The following PANX3 variants were observed in gnomAD, a reference collection of about 807,000 sequenced individuals.
The protein encoded by PANX3 is pannexin 3, also known as pannexin-3.
PANX3 carries 18 observed loss-of-function variants against 31.5 expected under a neutral mutation model. That is an observed-to-expected ratio of 0.57 (90% CI 0.39 to 0.85). PANX3 has a LOEUF of 0.85. Among genes scored for constraint, PANX3 ranks in the 40% least tolerant of loss-of-function variants. The probability of loss-of-function intolerance (pLI) is 0.00; values close to 1 mark genes in which losing one functional copy is unlikely to be tolerated. For synonymous variants in PANX3, 194 were observed against 201.6 expected, an observed-to-expected ratio of 0.96 and a Z score of 0.32; for missense variants, 426 against 485.4, an observed-to-expected ratio of 0.88 and a Z score of 1.15.
rs776313316 is a variant in PANX3 at position 124,619,701 on chromosome 11, C to A, written c.945C>A (p.Ser315Arg). 6.2e-7 allele frequency: 1 copy of A among 1,614,038 alleles called. No homozygotes were observed. The highest frequency in any genetic ancestry group is 1.3e-5 in the African/African-American group (1 of 74,924). The change falls in exon 4 of 4, where the codon AGC (serine) becomes AGA (arginine). Residue 315 changes from serine to arginine, a missense_variant. Transcript: ENST00000284288. ...YEMLPAFDLL[S>R]RKMLGCPIND... ...TGCTCCCAGCTTTTGATCTCCTCAGCAGAAAGATGCTAGGATGTCCCATCA... is the reference window on the plus strand; with the variant it reads ...TGCTCCCAGCTTTTGATCTCCTCAGAAGAAAGATGCTAGGATGTCCCATCA...
rs778443223 is a variant in PANX3, at chr11:124,619,667, T to C, written c.911T>C (p.Val304Ala). Residue 304 changes from valine to alanine, a missense_variant, in exon 4 of 4, where the codon GTC becomes GCC. Coordinates refer to ENST00000284288, the MANE Select transcript of PANX3 (RefSeq NM_052959.3). ...LCRWDKRLLS[V>A]YEMLPAFDLL... ...CGGTGGGACAAACGACTTTTATCTG[T>C]CTATGAGATGCTCCCAGCTTTTGAT... 21 of 1,614,178 alleles carry C rather than the reference T, an allele frequency of 1.3e-5. 1 individual carries two copies. The South Asian group carries it at 2.0e-4, about 15-fold the overall frequency.
At chr11:124,612,861 T>C (rs1270029505) in intron 1 of PANX3, 119 bp from the exon 2 acceptor site, 17 of 1,237,724 alleles carry the variant, frequency 1.4e-5, no homozygotes, top group Middle Eastern at 5.6e-4. Context: ...AAGACTAAGG[T>C]GTGGGAAGAA....
At chr11:124,613,574 G>C (rs936038154) in intron 2 of PANX3, among the ~76,000 whole-genome samples, 2 of 152,066 alleles carry the variant, frequency 1.3e-5, no homozygotes, top group Admixed American at 6.5e-5. Context: ...GTCCCAGCAC[G>C]GCTCCCCTGC....
chr11:124,619,947 T>C lies in PANX3; in HGVS notation c.*12T>C, dbSNP rs776716226. ...ATGAACACCCATAGTTAAGAAACCA[T>C]GGAGCAAGAAAGCTTGTGGAAAGTC... On this transcript the variant is annotated 3_prime_UTR_variant, in exon 4 of 4. Transcript: ENST00000284288. 5.7e-6 allele frequency: 9 copies of C among 1,579,588 alleles called. No individual in the cohort carries two copies. The African/African-American group carries it at 1.1e-4, about 19-fold the overall frequency.
In PANX3 at chr11:124,619,625, AC is replaced by A. The variant is rs1863193854; in HGVS notation, c.871del (p.Leu291SerfsTer29). 6.2e-7 allele frequency: 1 copy of A among 1,613,548 alleles called. No homozygotes were observed. The highest frequency in any genetic ancestry group is 1.3e-5 in the African/African-American group (1 of 74,856). On this transcript the variant is annotated frameshift_variant, in exon 4 of 4. Transcript: ENST00000284288. LOFTEE classifies it high-confidence loss of function. ...YTILVPVIIY[N>X]LTRLCRWDKR... Reference sequence around the variant, plus strand: ...ATATTGGTTCCAGTGATAATATACAACCTCACACGGCTATGTCGGTGGGACA... The same window carrying A: ...ATATTGGTTCCAGTGATAATATACAACTCACACGGCTATGTCGGTGGGACA...
rs1863154477 is a variant in PANX3, at chr11:124,616,538, G to A, written c.325-736G>A. Among the ~76,000 whole-genome samples, 1 of 152,192 alleles carries A rather than the reference G, an allele frequency of 6.6e-6. No individual in the cohort carries two copies. Among genetic ancestry groups the A allele is most frequent in the Admixed American group, 6.5e-5 (1 of 15,286 alleles). On this transcript the variant is annotated intron_variant, in intron 2 of 3. Coordinates refer to ENST00000284288, the MANE Select transcript of PANX3 (RefSeq NM_052959.3). The surrounding 1 kb of genome is among the most constrained non-coding windows in gnomAD (Gnocchi z 4.8). Reference sequence around the variant, plus strand: ...GGACTTCAAGGTATGAATGGAGGGAGGTGGACATGGACACAATTCAACCCA... The same window carrying A: ...GGACTTCAAGGTATGAATGGAGGGAAGTGGACATGGACACAATTCAACCCA...
chr11:124,612,856 T>G, intron 1 of PANX3, 124 bp from the exon 2 acceptor site: 1 of 1,203,736 alleles, frequency 8.3e-7, no homozygotes, highest in Non-Finnish European at 1.2e-6. Context: ...CCCAGAAGAC[T>G]AAGGTGTGGG....
chr11:124,617,393 C>A lies in PANX3; in HGVS notation c.444C>A (p.Asp148Glu). ...SDLLFIISEL[D>E]KSYNRSIRLV... Reference sequence around the variant, plus strand: ...TGCTGTTCATCATCAGCGAACTGGACAAATCTTATAATCGCTCCATCCGCC... The same window carrying A: ...TGCTGTTCATCATCAGCGAACTGGAAAAATCTTATAATCGCTCCATCCGCC... The change falls in exon 3 of 4, where the codon GAC becomes GAA. Residue 148 changes from aspartate (D) to glutamate (E), a missense_variant. Physicochemically the swap from Asp to Glu is conservative, Grantham distance 45. Coordinates refer to ENST00000284288, the MANE Select transcript of PANX3 (RefSeq NM_052959.3). 6.2e-7 allele frequency: 1 copy of A among 1,614,140 alleles called. No individual in the cohort carries two copies. Among genetic ancestry groups the A allele is most frequent in the Non-Finnish European group, 8.5e-7 (1 of 1,180,052 alleles).
rs768373722 is a variant in PANX3 at position 124,619,699 on chromosome 11, A to G, written c.943A>G (p.Ser315Gly). Reference sequence around the variant, plus strand: ...GATGCTCCCAGCTTTTGATCTCCTCAGCAGAAAGATGCTAGGATGTCCCAT... The same window carrying G: ...GATGCTCCCAGCTTTTGATCTCCTCGGCAGAAAGATGCTAGGATGTCCCAT... ...YEMLPAFDLL[S>G]RKMLGCPIND... is the part of the protein sequence containing the mutation. The change falls in exon 4 of 4, where the codon AGC becomes GGC. Residue 315 changes from serine to glycine, a missense_variant. Coordinates refer to ENST00000284288, the MANE Select transcript of PANX3 (RefSeq NM_052959.3). 27 of 1,614,070 alleles carry G rather than the reference A, an allele frequency of 1.7e-5. No individual in the cohort carries two copies. The Admixed American group carries it at 2.3e-4, about 14-fold the overall frequency.
chr11:124,611,496 C>A lies in PANX3; in HGVS notation c.-61C>A. On this transcript the variant is annotated 5_prime_UTR_variant, in exon 1 of 4. Transcript: ENST00000284288. Reference sequence around the variant, plus strand: ...AGTCAGCTGCCTGAAGCTGCCGTCTCCTCATTCCACCATCCCAGGACCCCT... The same window carrying A: ...AGTCAGCTGCCTGAAGCTGCCGTCTACTCATTCCACCATCCCAGGACCCCT... The A allele has an allele frequency of 6.6e-7, 1 of 1,505,914 alleles. No individual in the cohort carries two copies. Among genetic ancestry groups the A allele is most frequent in the Non-Finnish European group, 9.0e-7 (1 of 1,115,306 alleles). 93.3% of individuals were successfully genotyped at this position (1,505,914 alleles called of 1,614,324 possible). A position where few individuals can be genotyped will look rare whatever the true frequency, so the allele number is the denominator to read the frequency against.
intron 2 of PANX3, among the ~76,000 whole-genome samples, chr11:124,614,789 G>A (rs764619712): frequency 1.4e-5 from 2 of 141,272 alleles, no homozygotes; most frequent in African/African-American, 2.7e-5. Flanking sequence ...CGATTCTCCC[G>A]CCTCAGCCTC....
chr11:124,617,628 CT>C (rs905111012), intron 3 of PANX3, 140 bp downstream of exon 3: 1 of 790,282 alleles, frequency 1.3e-6, no homozygotes, highest in African/African-American at 1.7e-5. Context: ...CATTAACTTT[CT>C]ATTGTTTCTG....
intron 1 of PANX3, 65 bp from the exon 2 acceptor site, chr11:124,612,915 T>G: frequency 6.3e-7 from 1 of 1,578,686 alleles, no homozygotes; most frequent in Non-Finnish European, 8.6e-7. Context: ...AGTTAGATGA[T>G]TGCCCCTGAG....
rs776306825 is a variant in PANX3 at position 124,612,986 on chromosome 11, C to T, written c.188C>T (p.Pro63Leu). The change falls in exon 2 of 4, where the codon CCG becomes CTG. Residue 63 changes from proline to leucine, a missense_variant. By Grantham distance (98) the Pro-to-Leu change is moderately conservative (BLOSUM62 -3). Transcript: ENST00000284288. ...AGCTGTGTTCCTGTTGCAGGGTCTC[C>T]GATCAGCTGCTTCTCTCCCAGTAAC... ...AFAQEFSSGS[P>L]ISCFSPSNFS... is the part of the protein sequence containing the mutation. 1.8e-5 allele frequency: 29 copies of T among 1,613,908 alleles called. No homozygotes were observed. The highest frequency in any genetic ancestry group is 8.0e-5 in the African/African-American group (6 of 74,924).
chr11:124,611,755 C>T lies in PANX3; in HGVS notation c.181+18C>T. 1 of 1,609,538 alleles carries T rather than the reference C, an allele frequency of 6.2e-7. No homozygotes were observed. The highest frequency in any genetic ancestry group is 1.1e-5 in the South Asian group (1 of 90,478). On this transcript the variant is annotated intron_variant, in intron 1 of 3. Coordinates refer to ENST00000284288, the MANE Select transcript of PANX3 (RefSeq NM_052959.3). ...CTCCTCTGGTAAGTTGCTTCCAAGA[C>T]CCAGTGCGCAAGAGAGACTCCCCCT...
Position 124,619,671 on chromosome 11 carries a change from T to C in PANX3, c.915T>C (p.Tyr305=), listed in dbSNP as rs34237602. Residue 305 remains tyrosine, a synonymous_variant, in exon 4 of 4, where the codon TAT becomes TAC. Transcript: ENST00000284288. ...CRWDKRLLSV[Y]EMLPAFDLLS... ...GGGACAAACGACTTTTATCTGTCTA[T>C]GAGATGCTCCCAGCTTTTGATCTCC... 47,914 of 1,614,186 alleles carry C rather than the reference T, an allele frequency of 0.03. 854 individuals carry two copies. Among genetic ancestry groups the C allele is most frequent in the Non-Finnish European group, 0.035 (41,410 of 1,180,030 alleles).
At chr11:124,614,924 C>T (rs1863136318) in intron 2 of PANX3, among the ~76,000 whole-genome samples, 2 of 151,920 alleles carry the variant, frequency 1.3e-5, no homozygotes, top group African/African-American at 2.4e-5. Flanking sequence ...ATCCGCCCAC[C>T]TCGACCTCCC....
At chr11:124,618,149 T>C (rs1863174219) in intron 3 of PANX3, among the ~76,000 whole-genome samples, 1 of 152,106 alleles carries the variant, frequency 6.6e-6, no homozygotes, top group Non-Finnish European at 1.5e-5. Context: ...AAGTGGGAAG[T>C]GGGGCAAGAG....
chr11:124,617,097 G>A (rs1030881906), intron 2 of PANX3, among the ~76,000 whole-genome samples, 177 bp from the exon 3 acceptor site: 3 of 152,180 alleles, frequency 2.0e-5, no homozygotes, highest in East Asian at 1.9e-4. Flanking sequence ...AAGCAGGCCC[G>A]CCTGTACTCA....
Sources: allele counts gnomAD v4.1 joint callset (sites outside exome capture counted in the v4.1 genomes callset), GRCh38; gene constraint gnomAD v4.1.1; non-coding constraint Gnocchi (gnomAD v3.1); transcripts MANE v1.5; gene names NCBI Gene and HGNC (gene_info 2026-07-23, HGNC 2026-07-21).